TMPRSS4: variants seen among roughly 807,000 people sequenced by gnomAD.
TMPRSS4 encodes transmembrane protease serine 4.
A neutral mutation model predicts 56.4 loss-of-function variants in TMPRSS4; 45 were observed. The observed-to-expected ratio is 0.80, with a 90% CI of 0.63 to 1.02. The LOEUF is 1.02. TMPRSS4 is among the 50% of genes least tolerant of loss of function. TMPRSS4 has a pLI of 0.00. For missense variants in TMPRSS4, 546 were observed against 556.7 expected, an observed-to-expected ratio of 0.98 and a Z score of 0.19; for synonymous variants, 205 against 211.0, an observed-to-expected ratio of 0.97 and a Z score of 0.25.
chr11:118,085,287 G>A (rs1234129458), intron 1 of TMPRSS4, among the ~76,000 whole-genome samples: 1 of 150,786 alleles, frequency 6.6e-6, no homozygotes, highest in African/African-American at 2.4e-5. Context: ...ACAGTGGCAG[G>A]ATCTTGGCTC....
intron 1 of TMPRSS4, among the ~76,000 whole-genome samples, chr11:118,085,352 TA>T (rs1276539680): frequency 6.6e-6 from 1 of 151,692 alleles, no homozygotes; most frequent in East Asian, 1.9e-4. Context: ...GCCTCCCGAG[TA>T]GCTGGGATTA....
intron 1 of TMPRSS4, chr11:118,088,177 G>T (rs574580179): frequency 1.3e-5 from 2 of 152,340 alleles, no homozygotes; most frequent in East Asian, 3.9e-4. Flanking sequence ...AGTCCACCAA[G>T]TCCAGAAACC....
At chr11:118,112,220 T>A (rs972083925) in intron 8 of TMPRSS4, among the ~76,000 whole-genome samples, 5 of 151,944 alleles carry the variant, frequency 3.3e-5, no homozygotes, top group Non-Finnish European at 5.9e-5. Context: ...ACTCACTCTC[T>A]TTTTGCTTGT....
At chr11:118,078,052 G>GGAAAA (rs10627398) in intron 1 of TMPRSS4, among the ~76,000 whole-genome samples, 76,849 of 118,902 alleles carry the variant, frequency 0.65, 25,207 homozygotes, top group Admixed American at 0.72. Context: ...AAAGAAAGAA[G>GGAAAA]GAAAAGAAAA....
At chr11:118,113,226 T>A in intron 8 of TMPRSS4, 43 bp from the exon 9 acceptor site, 1 of 1,575,556 alleles carries the variant, frequency 6.3e-7, no homozygotes, top group Non-Finnish European at 8.6e-7. Context: ...CAAAGTCTCC[T>A]CAGGCTTGGA....
At chr11:118,099,189 T>G in intron 3 of TMPRSS4, 91 bp downstream of exon 3, 1 of 907,026 alleles carries the variant, frequency 1.1e-6, no homozygotes. Context: ...TAAGTGACAG[T>G]CCCCCACCCC....
At chr11:118,100,260 C>T (rs984765608) in intron 3 of TMPRSS4, among the ~76,000 whole-genome samples, 2 of 152,206 alleles carry the variant, frequency 1.3e-5, no homozygotes, top group African/African-American at 4.8e-5. Context: ...AGTGTGTCAT[C>T]ACACAGCAGC....
intron 9 of TMPRSS4, among the ~76,000 whole-genome samples, chr11:118,114,455 G>C (rs928961954): frequency 6.6e-6 from 1 of 152,218 alleles, no homozygotes; most frequent in Non-Finnish European, 1.5e-5. Context: ...TGGCTTCCAT[G>C]GGCAGGTCTG....
chr11:118,093,086 C>T (rs116376262), intron 1 of TMPRSS4, among the ~76,000 whole-genome samples: 1 of 152,208 alleles, frequency 6.6e-6, no homozygotes, highest in African/African-American at 2.4e-5. Context: ...CTGTGTGCTA[C>T]ATCACAAGGC....
intron 1 of TMPRSS4, among the ~76,000 whole-genome samples, chr11:118,084,349 G>C (rs974151969): frequency 6.6e-6 from 1 of 152,192 alleles, no homozygotes; most frequent in Non-Finnish European, 1.5e-5. Flanking sequence ...AGCACTCGAC[G>C]AGTTATGTGA....
At chr11:118,086,360 C>T (rs763894593) in intron 1 of TMPRSS4, among the ~76,000 whole-genome samples, 112 of 152,224 alleles carry the variant, frequency 7.4e-4, no homozygotes, top group Non-Finnish European at 2.5e-4. Flanking sequence ...ATGAGGTGCT[C>T]GGCTCAAATT....
chr11:118,095,895 C>G (rs796791989), intron 2 of TMPRSS4, among the ~76,000 whole-genome samples: 13 of 152,278 alleles, frequency 8.5e-5, no homozygotes, highest in African/African-American at 2.9e-4. Context: ...GAGGGAGGAA[C>G]AACAGCCGGC....
downstream of TMPRSS4, among the ~76,000 whole-genome samples, chr11:118,124,293 G>C (rs1291707633): frequency 6.6e-6 from 1 of 152,168 alleles, no homozygotes; most frequent in African/African-American, 2.4e-5. Flanking sequence ...GCTGAGGCAG[G>C]AGAATTGCTT....
At chr11:118,099,172 C>T (rs1454399372) in intron 3 of TMPRSS4, 74 bp downstream of exon 3, 1 of 1,258,848 alleles carries the variant, frequency 7.9e-7, no homozygotes, top group South Asian at 1.3e-5. Context: ...CCGCACTCAC[C>T]CCTGAATAAG....
chr11:118,100,494 G>A (rs762230981), intron 3 of TMPRSS4, among the ~76,000 whole-genome samples: 9 of 152,290 alleles, frequency 5.9e-5, no homozygotes, highest in Non-Finnish European at 8.8e-5. Flanking sequence ...ACAAAGCTGC[G>A]ACAGAACCCC....
chr11:118,117,301 A>G lies in TMPRSS4; in HGVS notation c.1153-4A>G. The G allele has an allele frequency of 1.2e-6, 2 of 1,614,038 alleles. No homozygotes were observed. The highest frequency in any genetic ancestry group is 1.7e-6 in the Non-Finnish European group (2 of 1,180,010). On this transcript the variant is annotated splice_polypyrimidine_tract_variant and splice_region_variant and intron_variant, in intron 11 of 12. Transcript: ENST00000437212. ...CCAGCAGTCTCTGTTCTGGTCTCTC[A>G]CAGGGTGACAGTGGTGGGCCCCTGA...
chr11:118,080,676 A>ACC (rs1249543869), intron 1 of TMPRSS4, among the ~76,000 whole-genome samples: 3 of 152,156 alleles, frequency 2.0e-5, no homozygotes, highest in Non-Finnish European at 4.4e-5. Context: ...ATGAGGAGAG[A>ACC]CCAGCTCAAG....
At chr11:118,087,222 C>G (rs921111796) in intron 1 of TMPRSS4, among the ~76,000 whole-genome samples, 1 of 152,192 alleles carries the variant, frequency 6.6e-6, no homozygotes, top group African/African-American at 2.4e-5. Flanking sequence ...TGTCCACACT[C>G]CAGTCATTCC....
chr11:118,119,212 A>T lies in TMPRSS4; in HGVS notation c.*1299A>T. The T allele has an allele frequency of 1.0e-6, 1 of 985,466 alleles. No homozygotes were observed. The highest frequency in any genetic ancestry group is 4.7e-5 in the South Asian group (1 of 21,288). The allele number at this position is 985,466 out of a possible 1,614,324, so 61.0% of individuals were successfully genotyped here. A position where few individuals can be genotyped will look rare whatever the true frequency, so the allele number is the denominator to read the frequency against. On this transcript the variant is annotated 3_prime_UTR_variant, in exon 13 of 13. Transcript: ENST00000437212. Reference sequence around the variant, plus strand: ...GAAACTAAGGTGATGATCTGGGAGCAATACACTAAAATCTTGGGTCGAGAC... The same window carrying T: ...GAAACTAAGGTGATGATCTGGGAGCTATACACTAAAATCTTGGGTCGAGAC...
Sources: gnomAD v4.1 joint callset for allele counts (sites outside exome capture counted in the v4.1 genomes callset) on GRCh38, gnomAD v4.1.1 for gene constraint, MANE v1.5 for transcripts, NCBI Gene and HGNC (gene_info 2026-07-23, HGNC 2026-07-21) for gene names.